The following PDSS2 variants were observed in gnomAD, a reference collection of about 807,000 sequenced individuals.
The protein encoded by PDSS2 is all trans-polyprenyl-diphosphate synthase PDSS2.
PDSS2 carries 31 observed loss-of-function variants against 44.5 expected under a neutral mutation model. The ratio of observed to expected loss-of-function variants is 0.70; its 90% CI spans 0.52 to 0.94. The LOEUF is 0.94. PDSS2 is among the 40% of genes least tolerant of loss of function. PDSS2 has a pLI of 0.00. For synonymous variants in PDSS2, 157 were observed against 180.3 expected (o/e 0.87, Z 1.03); for missense variants, 452 against 482.2 (o/e 0.94, Z 0.59).
At chr6:107,373,336 G>A (rs946662856) in intron 1 of PDSS2, among the ~76,000 whole-genome samples, 2 of 152,252 alleles carry the variant, frequency 1.3e-5, no homozygotes, top group African/African-American at 2.4e-5. Flanking sequence ...CTTAGTCTAC[G>A]AGGCAGAGTA....
intron 2 of PDSS2, among the ~76,000 whole-genome samples, chr6:107,331,506 A>G (rs1309599359): frequency 2.0e-5 from 3 of 152,180 alleles, no homozygotes; most frequent in Admixed American, 6.5e-5. Flanking sequence ...TATAATGACC[A>G]TCTGCCAACA....
intron 1 of PDSS2, 80 bp downstream of exon 1, chr6:107,458,910 A>G (rs1477695489): frequency 1.6e-6 from 2 of 1,248,992 alleles, no homozygotes; most frequent in Non-Finnish European, 2.3e-6. Context: ...CCAGTCTGAG[A>G]GAGCTAGAAT....
At chr6:107,344,939 T>C (rs1778194391) in intron 1 of PDSS2, among the ~76,000 whole-genome samples, 1 of 152,114 alleles carries the variant, frequency 6.6e-6, no homozygotes, top group Non-Finnish European at 1.5e-5. Context: ...AAAAGTAATA[T>C]TTAGTCACAC....
chr6:107,230,963 C>T (rs1169356190), intron 4 of PDSS2, among the ~76,000 whole-genome samples: 1 of 152,120 alleles, frequency 6.6e-6, no homozygotes, highest in Non-Finnish European at 1.5e-5. Context: ...AATCCTAGCA[C>T]ATTGGGAGGC....
At chr6:107,403,385 G>A (rs1562517165) in intron 1 of PDSS2, among the ~76,000 whole-genome samples, 3 of 152,296 alleles carry the variant, frequency 2.0e-5, no homozygotes, top group South Asian at 4.1e-4. Flanking sequence ...CATGGCTGGC[G>A]CTGAGTGTCT....
At chr6:107,420,604 G>A (rs1305656449) in intron 1 of PDSS2, among the ~76,000 whole-genome samples, 2 of 152,036 alleles carry the variant, frequency 1.3e-5, no homozygotes, top group Non-Finnish European at 1.5e-5. Context: ...AATCATGCTG[G>A]AACAACTGGA....
chr6:107,164,803 T>C (rs1307178315), intron 7 of PDSS2, among the ~76,000 whole-genome samples: 1 of 152,224 alleles, frequency 6.6e-6, no homozygotes, highest in African/African-American at 2.4e-5. Context: ...AGTGTTCCTA[T>C]TTCTCCACAT....
Position 107,351,449 on chromosome 6 carries a change from T to C in PDSS2, c.297-17117A>G, listed in dbSNP as rs1358438116. On this transcript the variant is annotated intron_variant, in intron 1 of 7. Transcript: ENST00000369037. ...TTATTATTTGTGTATGGGTAGAAAC[T>C]AGCAAATTATCAACAGATTATTTAA... Among the ~76,000 whole-genome samples, 4 of 152,304 alleles carry C rather than the reference T, an allele frequency of 2.6e-5. No homozygotes were observed. In the South Asian group the frequency reaches 8.3e-4, roughly 32 times the overall value.
chr6:107,204,332 TATACCAC>T (rs1772898103), intron 6 of PDSS2, among the ~76,000 whole-genome samples: 1 of 152,202 alleles, frequency 6.6e-6, no homozygotes, highest in African/African-American at 2.4e-5. Context: ...ATTGTATGGA[TATACCAC>T]ATTTTGCTTC....
chr6:107,156,082 G>T (rs1369547877), intron 7 of PDSS2, among the ~76,000 whole-genome samples: 1 of 150,870 alleles, frequency 6.6e-6, no homozygotes, highest in African/African-American at 2.4e-5. Context: ...TAGAGATGGG[G>T]TTTTGCCATG....
intron 7 of PDSS2, among the ~76,000 whole-genome samples, chr6:107,157,531 C>T (rs78020986): frequency 0.072 from 11,003 of 152,040 alleles, 437 homozygotes; most frequent in African/African-American, 0.11. Flanking sequence ...GGCTGTCTCC[C>T]CCACCCCAAC....
At chr6:107,198,201 TC>T (rs1337020224) in intron 6 of PDSS2, among the ~76,000 whole-genome samples, 4 of 152,228 alleles carry the variant, frequency 2.6e-5, no homozygotes, top group Non-Finnish European at 5.9e-5. Flanking sequence ...CTTTACTTTG[TC>T]TTCTTAGCTT....
chr6:107,376,355 T>C (rs1454504681), intron 1 of PDSS2, among the ~76,000 whole-genome samples: 3 of 151,974 alleles, frequency 2.0e-5, no homozygotes, highest in African/African-American at 7.3e-5. Flanking sequence ...CCTTGGGCAG[T>C]ATGGCCATTT....
At position 107,219,075 on chromosome 6, in the gene PDSS2, A is replaced by T. The variant is rs566014752; in HGVS notation, c.703-6793T>A. ...CTCTGTCTCAAAAAAAAAAAAAATT[A>T]ATTAAAAAAAAATTCTCTTTTAATG... is the stretch of plus-strand genomic sequence containing the variant. On this transcript the variant is annotated intron_variant, in intron 4 of 7. Transcript: ENST00000369037. Among the ~76,000 whole-genome samples, 180 of 151,870 alleles carry T rather than the reference A, an allele frequency of 1.2e-3. 1 individual carries two copies. The highest frequency in any genetic ancestry group is 4.1e-3 in the African/African-American group (169 of 41,420).
intron 7 of PDSS2, among the ~76,000 whole-genome samples, chr6:107,165,481 G>T (rs1771310089): frequency 6.6e-6 from 1 of 152,150 alleles, no homozygotes; most frequent in Admixed American, 6.6e-5. Flanking sequence ...TTGTAGATGT[G>T]TGGTATTATT....
rs1554279679 is a variant in PDSS2 at position 107,424,036 on chromosome 6, C to CATTTTTTTTTTTTTT, written c.296+34953_296+34954insAAAAAAAAAAAAAAT. Among the ~76,000 whole-genome samples the CATTTTTTTTTTTTTT allele has an allele frequency of 5.5e-5, 5 of 90,586 alleles. 2 individuals are homozygous for CATTTTTTTTTTTTTT. The highest frequency in any genetic ancestry group is 4.2e-5 in the Non-Finnish European group (2 of 47,158). The allele number at this position is 90,586 out of a possible 152,430, so 59.4% of individuals were successfully genotyped here. A position where few individuals can be genotyped will look rare whatever the true frequency, so the allele number is the denominator to read the frequency against. ...AATTATGATTATTTTTATCTTGCAT[C>CATTTTTTTTTTTTTT]TTTTTTTTTTTTTTTTTTTTTTTGG... is the stretch of plus-strand genomic sequence containing the variant. On this transcript the variant is annotated intron_variant, in intron 1 of 7. Transcript: ENST00000369037.
chr6:107,189,130 C>T (rs1409577329), intron 7 of PDSS2, among the ~76,000 whole-genome samples: 8 of 152,160 alleles, frequency 5.3e-5, no homozygotes, highest in Non-Finnish European at 1.5e-5. Context: ...TGACTGCAAC[C>T]TCTGCCTCTC....
intron 3 of PDSS2, among the ~76,000 whole-genome samples, chr6:107,256,783 C>T (rs2114858675): frequency 6.6e-6 from 1 of 152,186 alleles, no homozygotes; most frequent in East Asian, 1.9e-4. Context: ...AATTCCAGCA[C>T]TTGGGAGGCT....
At chr6:107,278,184 A>G (rs946616976) in intron 2 of PDSS2, among the ~76,000 whole-genome samples, 1 of 152,140 alleles carries the variant, frequency 6.6e-6, no homozygotes, top group Non-Finnish European at 1.5e-5. Context: ...AAGATGACCC[A>G]GTAGACATAT....
Sources: allele counts gnomAD v4.1 joint callset (sites outside exome capture counted in the v4.1 genomes callset), GRCh38; gene constraint gnomAD v4.1.1; transcripts MANE v1.5; gene names NCBI Gene and HGNC (gene_info 2026-07-23, HGNC 2026-07-21).